Variants in PRDM11 observed in about 807,000 individuals in gnomAD.
PRDM11 encodes the protein PR domain-containing protein 11.
A neutral mutation model predicts 97.8 loss-of-function variants in PRDM11; 20 were observed. The observed-to-expected ratio is 0.20, with a 90% CI of 0.14 to 0.30. PRDM11 has a LOEUF of 0.30. Ranked by LOEUF, PRDM11 falls within the 10% of genes least tolerant of loss-of-function variation. PRDM11 has a pLI of 1.00. For missense variants in PRDM11, 1,139 were observed against 1,555.2 expected (o/e 0.73, Z 4.50); for synonymous variants, 599 against 637.7 (o/e 0.94, Z 0.91).
intron 1 of PRDM11, among the ~76,000 whole-genome samples, chr11:45,132,056 T>C (rs1750086564): frequency 6.6e-6 from 1 of 152,158 alleles, no homozygotes; most frequent in Non-Finnish European, 1.5e-5. Context: ...AGGAAAACAT[T>C]CCCTCAAAGT....
chr11:45,111,692 C>A (rs945187089), intron 1 of PRDM11, among the ~76,000 whole-genome samples: 8 of 152,126 alleles, frequency 5.3e-5, no homozygotes, highest in Admixed American at 1.3e-4. Context: ...GCACTCGAAC[C>A]CTCCGGGCTC....
chr11:45,159,988 C>T (rs185115092), intron 1 of PRDM11, among the ~76,000 whole-genome samples: 6 of 152,318 alleles, frequency 3.9e-5, no homozygotes, highest in Admixed American at 3.9e-4. Context: ...GACTGCCCAA[C>T]CCATTTCTTC....
intron 4 of PRDM11, among the ~76,000 whole-genome samples, chr11:45,193,002 T>C (rs1852970173): frequency 6.6e-6 from 1 of 152,242 alleles, no homozygotes; most frequent in Non-Finnish European, 1.5e-5. Context: ...ATGCCTGTAC[T>C]TTTGTGTTCA....
chr11:45,114,221 G>GA (rs1320946588), intron 1 of PRDM11, among the ~76,000 whole-genome samples: 3 of 152,106 alleles, frequency 2.0e-5, no homozygotes, highest in Non-Finnish European at 2.9e-5. Context: ...TGAATAGAGG[G>GA]AAAATCACAG....
chr11:45,147,724 G>C (rs77065104), intron 1 of PRDM11: 2 of 152,314 alleles, frequency 1.3e-5, no homozygotes, highest in African/African-American at 4.8e-5. Flanking sequence ...TGTGTGTCTA[G>C]AGCCCAGTTG....
At position 45,228,077 on chromosome 11, in the gene PRDM11, TC is replaced by T; in HGVS notation, c.3454del (p.Leu1152SerfsTer38). On this transcript the variant is annotated frameshift_variant, in exon 8 of 8. Coordinates refer to ENST00000683152, the MANE Select transcript of PRDM11 (RefSeq NM_001384648.1). LOFTEE classifies it high-confidence loss of function. ...AACAGTTACGCGCTGTCTGCAGAAG[TC>T]CTCAGTAGGATGTCTGCGCTGGAGC... is the stretch of plus-strand genomic sequence containing the variant. ...SGNSYALSAE[V>X]LSRMSALEQK... 6.5e-7 allele frequency: 1 copy of T among 1,533,696 alleles called. No individual in the cohort carries two copies. Among genetic ancestry groups the T allele is most frequent in the Non-Finnish European group, 8.7e-7 (1 of 1,146,692 alleles).
chr11:45,161,518 A>G (rs1851927095), intron 1 of PRDM11, among the ~76,000 whole-genome samples: 1 of 152,144 alleles, frequency 6.6e-6, no homozygotes. Context: ...CCGTAACCCC[A>G]TCCTTCAGGC....
At position 45,233,595 on chromosome 11, in the gene PRDM11, T is replaced by TA. The variant is rs1854442864; in HGVS notation, c.*5437dup. On this transcript the variant is annotated 3_prime_UTR_variant, in exon 8 of 8. Coordinates refer to ENST00000683152, the MANE Select transcript of PRDM11 (RefSeq NM_001384648.1). Reference sequence around the variant, plus strand: ...GGATCAAGAGCTGGTCCAGGAAAGATACCGCCCCTGCCCTGTTAGATGCTT... The same window carrying TA: ...GGATCAAGAGCTGGTCCAGGAAAGATAACCGCCCCTGCCCTGTTAGATGCTT... 1 of 152,298 alleles carries TA rather than the reference T, an allele frequency of 6.6e-6. No individual in the cohort carries two copies. Among genetic ancestry groups the TA allele is most frequent in the Non-Finnish European group, 1.5e-5 (1 of 68,134 alleles). The allele number at this position is 152,298 out of a possible 1,614,324, so 9.4% of individuals were successfully genotyped here. A position where few individuals can be genotyped will look rare whatever the true frequency, so the allele number is the denominator to read the frequency against.
At chr11:45,187,935 G>A (rs1246039915) in intron 4 of PRDM11, among the ~76,000 whole-genome samples, 2 of 152,066 alleles carry the variant, frequency 1.3e-5, no homozygotes, top group East Asian at 3.9e-4. Context: ...TGGTGGGAGA[G>A]TACGGGGAAG....
intron 4 of PRDM11, among the ~76,000 whole-genome samples, chr11:45,196,593 A>G (rs1853129983): frequency 6.6e-6 from 1 of 152,220 alleles, no homozygotes; most frequent in Non-Finnish European, 1.5e-5. Context: ...GATTGAGGCC[A>G]GTCTGCTTGA....
At chr11:45,163,829 T>C (rs1466253984) in intron 1 of PRDM11, among the ~76,000 whole-genome samples, 2 of 152,310 alleles carry the variant, frequency 1.3e-5, no homozygotes, top group South Asian at 2.1e-4. Flanking sequence ...ACCTTGTCCA[T>C]TGGGACAACT....
intron 1 of PRDM11, among the ~76,000 whole-genome samples, chr11:45,136,074 G>C (rs1852834933): frequency 6.6e-6 from 1 of 152,158 alleles, no homozygotes; most frequent in African/African-American, 2.4e-5. Flanking sequence ...ATTACTTGTG[G>C]CCAATGTATT....
intron 1 of PRDM11, among the ~76,000 whole-genome samples, chr11:45,120,350 A>G (rs539030052): frequency 4.6e-5 from 7 of 152,356 alleles, no homozygotes; most frequent in Non-Finnish European, 2.9e-5. Context: ...TCCAAATACC[A>G]CAGATTTAGT....
At chr11:45,147,374 G>C (rs1367513223) in intron 1 of PRDM11, 2 of 152,150 alleles carry the variant, frequency 1.3e-5, no homozygotes, top group Non-Finnish European at 2.9e-5. Context: ...CCCCGCGCCG[G>C]GGGCTGCTGC....
At chr11:45,163,927 C>A (rs1396149714) in intron 1 of PRDM11, among the ~76,000 whole-genome samples, 2 of 152,124 alleles carry the variant, frequency 1.3e-5, no homozygotes, top group Non-Finnish European at 2.9e-5. Context: ...TCGCCAGGAT[C>A]CACTCCCCTC....
At chr11:45,179,132 G>C (rs1852404786) in intron 1 of PRDM11, among the ~76,000 whole-genome samples, 1 of 152,190 alleles carries the variant, frequency 6.6e-6, no homozygotes, top group Admixed American at 6.5e-5. Flanking sequence ...GGTGGGGCTT[G>C]TGGAGGGCAG....
intron 1 of PRDM11, among the ~76,000 whole-genome samples, chr11:45,131,336 G>A (rs1459609554): frequency 6.6e-6 from 1 of 152,194 alleles, no homozygotes; most frequent in Non-Finnish European, 1.5e-5. Context: ...CAGGTTGTGA[G>A]AATTAAGCAT....
In PRDM11 at chr11:45,226,351, C is replaced by T. The variant is rs1041348769; in HGVS notation, c.1726C>T (p.Arg576Cys). The change falls in exon 8 of 8, where the codon CGC (arginine) becomes TGC (cysteine). Residue 576 changes from arginine to cysteine, a missense_variant. This residue lies in a region of PRDM11 where 710 missense variants were observed against 1,044.9 expected (regional missense o/e 0.68). Transcript: ENST00000683152. ...GAAGTGCCTGCAACTGTACAAGCTC[C>T]GCATGCACCCGGAGAAGACAGAGGA... ...HKKCLQLYKL[R>C]MHPEKTEEMC... is the part of the protein sequence containing the mutation. 6 of 1,533,960 alleles carry T rather than the reference C, an allele frequency of 3.9e-6. No individual in the cohort carries two copies. Among genetic ancestry groups the T allele is most frequent in the Admixed American group, 2.0e-5 (1 of 51,002 alleles).
rs1446824925 is a variant in PRDM11, at chr11:45,123,683, T to C, written c.96+27782T>C. Among the ~76,000 whole-genome samples, 5 of 150,432 alleles carry C rather than the reference T, an allele frequency of 3.3e-5. No individual in the cohort carries two copies. The East Asian group carries it at 7.7e-4, about 23-fold the overall frequency. ...TATGCAGCATTATTTCTGAGGGCTCTGTTCTGTTCCATTGATCTATATCTC... is the reference window on the plus strand; with the variant it reads ...TATGCAGCATTATTTCTGAGGGCTCCGTTCTGTTCCATTGATCTATATCTC... On this transcript the variant is annotated intron_variant, in intron 1 of 6. Coordinates refer to the PRDM11 transcript ENST00000530656.
Sources: allele counts gnomAD v4.1 joint callset (sites outside exome capture counted in the v4.1 genomes callset), GRCh38; gene constraint gnomAD v4.1.1; regional missense constraint gnomAD v4.1.1; transcripts MANE v1.5; gene names NCBI Gene and HGNC (gene_info 2026-07-23, HGNC 2026-07-21).